The following CLDN10 variants were observed in gnomAD, a reference collection of about 807,000 sequenced individuals.
CLDN10 encodes claudin-10.
A neutral mutation model predicts 22.9 loss-of-function variants in CLDN10; 15 were observed. The observed-to-expected ratio is 0.65, with a 90% CI of 0.44 to 1.01. CLDN10 has a LOEUF of 1.01. CLDN10 is among the 50% of genes least tolerant of loss of function. The pLI, the probability that CLDN10 is intolerant of heterozygous loss-of-function variation, is 0.00. For missense variants in CLDN10, 247 were observed against 287.8 expected (o/e 0.86, Z 1.03); for synonymous variants, 114 against 111.4 (o/e 1.02, Z -0.15).
chr13:95,532,459 C>T lies in CLDN10; in HGVS notation c.215-27673C>T, dbSNP rs372304246. Among the ~76,000 whole-genome samples, 4 of 152,104 alleles carry T rather than the reference C, an allele frequency of 2.6e-5. No individual in the cohort carries two copies. In the South Asian group the frequency reaches 8.3e-4, roughly 32 times the overall value. On this transcript the variant is annotated intron_variant, in intron 1 of 4. Coordinates refer to the CLDN10 transcript ENST00000376873. ...ATCACAATAAGATATCATTGAATAC[C>T]TACAAGAATGGCTAAAACAAGAGAC...
At chr13:95,550,413 G>A (rs904207594), upstream of CLDN10, among the ~76,000 whole-genome samples, 1 of 152,166 alleles carries the variant, frequency 6.6e-6, no homozygotes, top group Non-Finnish European at 1.5e-5. Flanking sequence ...CACTTGTTTT[G>A]TGGCAAAAGT....
chr13:95,574,074 T>C (rs2043894689), intron 3 of CLDN10, among the ~76,000 whole-genome samples: 3 of 152,226 alleles, frequency 2.0e-5, no homozygotes, highest in Non-Finnish European at 4.4e-5. Flanking sequence ...GGCTGTATAG[T>C]ATTCCATGGT....
At chr13:95,480,005 G>A (rs1225851762) in intron 1 of CLDN10, 1 of 152,348 alleles carries the variant, frequency 6.6e-6, no homozygotes, top group East Asian at 1.9e-4. Context: ...ATAAAGGAAG[G>A]AGGTTTAATG....
chr13:95,463,355 CAG>C (rs1488930900), intron 1 of CLDN10, among the ~76,000 whole-genome samples: 2 of 72,834 alleles, frequency 2.7e-5, no homozygotes, highest in African/African-American at 1.1e-4. Flanking sequence ...TTTTTTGAGA[CAG>C]AGTCTCCCTC....
chr13:95,524,952 C>T (rs1012183027), intron 1 of CLDN10, among the ~76,000 whole-genome samples: 6 of 151,858 alleles, frequency 4.0e-5, no homozygotes, highest in African/African-American at 9.7e-5. Context: ...CTCCACCCCC[C>T]GGGTTCAAGC....
At chr13:95,575,229 C>T (rs549985546) in intron 3 of CLDN10, among the ~76,000 whole-genome samples, 22 of 152,110 alleles carry the variant, frequency 1.4e-4, no homozygotes, top group Non-Finnish European at 2.8e-4. Flanking sequence ...AAATAGAAAG[C>T]GTTATACAAT....
At chr13:95,518,558 C>T (rs749375551) in intron 1 of CLDN10, among the ~76,000 whole-genome samples, 6 of 152,038 alleles carry the variant, frequency 3.9e-5, no homozygotes, top group Non-Finnish European at 7.4e-5. Context: ...GAGTTCAAGA[C>T]GAGCCTGGCC....
chr13:95,550,645 G>A (rs144375738), upstream of CLDN10, among the ~76,000 whole-genome samples: 851 of 152,138 alleles, frequency 5.6e-3, 7 homozygotes, highest in Middle Eastern at 0.02. Flanking sequence ...GATTATTCAG[G>A]AAGGAATATG....
intron 1 of CLDN10, among the ~76,000 whole-genome samples, chr13:95,516,309 A>G (rs557916454): frequency 6.6e-6 from 1 of 152,304 alleles, no homozygotes; most frequent in East Asian, 1.9e-4. Context: ...AAATAGTATT[A>G]TAAAATATAA....
At chr13:95,466,282 T>C (rs953126374) in intron 1 of CLDN10, among the ~76,000 whole-genome samples, 4 of 150,988 alleles carry the variant, frequency 2.6e-5, no homozygotes, top group Non-Finnish European at 5.9e-5. Context: ...TTTTTTTTGA[T>C]GTTGTTGTCT....
At chr13:95,577,877 C>T (rs751714590) in intron 4 of CLDN10, 23 bp from the exon 5 acceptor site, 2 of 1,537,736 alleles carry the variant, frequency 1.3e-6, no homozygotes, top group Non-Finnish European at 1.8e-6. Flanking sequence ...ATAGAATCTA[C>T]CAAACTATGT....
chr13:95,509,057 A>G (rs1429258345), intron 1 of CLDN10, among the ~76,000 whole-genome samples: 1 of 152,178 alleles, frequency 6.6e-6, no homozygotes, highest in Non-Finnish European at 1.5e-5. Flanking sequence ...CACTGCCTAG[A>G]TGATTAGGCA....
chr13:95,470,930 C>T (rs1821710376), intron 1 of CLDN10, among the ~76,000 whole-genome samples: 1 of 152,114 alleles, frequency 6.6e-6, no homozygotes, highest in Admixed American at 6.6e-5. Flanking sequence ...ATGCATGAGC[C>T]CCTACTGCGG....
chr13:95,485,576 C>T (rs1255215189), intron 1 of CLDN10, among the ~76,000 whole-genome samples: 2 of 152,208 alleles, frequency 1.3e-5, no homozygotes, highest in Non-Finnish European at 2.9e-5. Context: ...ACTCCAGATT[C>T]CCTAGAATGG....
chr13:95,565,640 T>C (rs1179049797), intron 3 of CLDN10, among the ~76,000 whole-genome samples: 1 of 152,192 alleles, frequency 6.6e-6, no homozygotes, highest in East Asian at 1.9e-4. Flanking sequence ...TTTTTTATTA[T>C]TATTATTTAA....
chr13:95,440,292 T>C (rs1378618577), intron 1 of CLDN10, among the ~76,000 whole-genome samples: 2 of 152,256 alleles, frequency 1.3e-5, no homozygotes, highest in Non-Finnish European at 2.9e-5. Context: ...TGCTGCTTTC[T>C]GAAACTAAGT....
chr13:95,519,975 A>C (rs2043207899), intron 1 of CLDN10, among the ~76,000 whole-genome samples: 1 of 151,832 alleles, frequency 6.6e-6, no homozygotes, highest in African/African-American at 2.4e-5. Context: ...TTGCTCATGC[A>C]ATCAAAACTT....
At chr13:95,528,858 T>A (rs1345405661) in intron 1 of CLDN10, among the ~76,000 whole-genome samples, 1 of 152,148 alleles carries the variant, frequency 6.6e-6, no homozygotes, top group Non-Finnish European at 1.5e-5. Context: ...AACACCAAGT[T>A]AAAGAGAGAA....
At chr13:95,556,388 G>A (rs1481473781) in intron 1 of CLDN10, among the ~76,000 whole-genome samples, 1 of 152,096 alleles carries the variant, frequency 6.6e-6, no homozygotes, top group Non-Finnish European at 1.5e-5. Context: ...CCTCCCCTAG[G>A]GGTATCATTG....
Sources: gnomAD v4.1 joint callset for allele counts (sites outside exome capture counted in the v4.1 genomes callset) on GRCh38, gnomAD v4.1.1 for gene constraint, MANE v1.5 for transcripts, NCBI Gene and HGNC (gene_info 2026-07-23, HGNC 2026-07-21) for gene names.